Variants in OXR1 observed in about 807,000 individuals in gnomAD.
OXR1 encodes oxidation resistance 1, also known as oxidation resistance protein 1.
In OXR1, 41 loss-of-function variants were observed where a neutral mutation model predicts 104.6. The ratio of observed to expected loss-of-function variants is 0.39; its 90% CI spans 0.31 to 0.51. OXR1 has a LOEUF of 0.51. OXR1 is among the 20% of genes least tolerant of loss of function. The pLI, the probability that OXR1 is intolerant of heterozygous loss-of-function variation, is 0.77. For missense variants in OXR1, 955 were observed against 1,031.9 expected, an observed-to-expected ratio of 0.93 and a Z score of 1.02; for synonymous variants, 348 against 348.4, an observed-to-expected ratio of 1.00 and a Z score of 0.01.
At chr8:106,481,270 A>G (rs1822097963) in intron 2 of OXR1, among the ~76,000 whole-genome samples, 1 of 152,062 alleles carries the variant, frequency 6.6e-6, no homozygotes, top group African/African-American at 2.4e-5. Context: ...GAAGCTGTAT[A>G]ACATGGTTTT....
At chr8:106,683,751 C>A (rs941485565) in intron 5 of OXR1, among the ~76,000 whole-genome samples, 1 of 152,132 alleles carries the variant, frequency 6.6e-6, no homozygotes, top group African/African-American at 2.4e-5. Context: ...TATTTAATCA[C>A]AGTTCTAGTT....
intron 11 of OXR1, among the ~76,000 whole-genome samples, chr8:106,727,451 C>T (rs1379896118): frequency 6.6e-6 from 1 of 152,054 alleles, no homozygotes; most frequent in African/African-American, 2.4e-5. Flanking sequence ...CAGGGTCTCA[C>T]TTTGTCACCC....
intron 1 of OXR1, among the ~76,000 whole-genome samples, chr8:106,342,691 A>G (rs1370056367): frequency 6.6e-6 from 1 of 152,056 alleles, no homozygotes; most frequent in African/African-American, 2.4e-5. Flanking sequence ...CTGAGAGTCC[A>G]TTGTGAGCAT....
At chr8:106,428,608 CTTT>C (rs36049400) in intron 2 of OXR1, among the ~76,000 whole-genome samples, 1 of 139,140 alleles carries the variant, frequency 7.2e-6, no homozygotes. Context: ...CTGCCAATGT[CTTT>C]TTTTTTTTTT....
chr8:106,633,606 C>T (rs898190079), intron 3 of OXR1, among the ~76,000 whole-genome samples: 3 of 152,162 alleles, frequency 2.0e-5, no homozygotes, highest in East Asian at 1.9e-4. Context: ...ATTTTTGGCC[C>T]TGATCATCTG....
chr8:106,398,559 A>G (rs764852071), intron 2 of OXR1, among the ~76,000 whole-genome samples: 7 of 152,144 alleles, frequency 4.6e-5, no homozygotes, highest in Admixed American at 1.3e-4. Context: ...AATAGGTATA[A>G]AACTAATTAG....
intron 1 of OXR1, among the ~76,000 whole-genome samples, chr8:106,344,859 A>G (rs1178144218): frequency 6.6e-6 from 1 of 152,142 alleles, no homozygotes; most frequent in Admixed American, 6.5e-5. Flanking sequence ...TTTCTCTTAC[A>G]TGCCTTTCAC....
chr8:106,668,821 G>A (rs1214236021), intron 3 of OXR1, among the ~76,000 whole-genome samples: 2 of 152,150 alleles, frequency 1.3e-5, no homozygotes, highest in Non-Finnish European at 2.9e-5. Context: ...CATTTCTTCT[G>A]TCACTTACGC....
chr8:106,629,188 A>C (rs936748725), intron 3 of OXR1, among the ~76,000 whole-genome samples: 1 of 152,190 alleles, frequency 6.6e-6, no homozygotes, highest in Non-Finnish European at 1.5e-5. Flanking sequence ...ATAACATTTA[A>C]ATTTTTTTAA....
At chr8:106,462,804 A>G (rs927119302) in intron 2 of OXR1, among the ~76,000 whole-genome samples, 2 of 152,080 alleles carry the variant, frequency 1.3e-5, no homozygotes, top group Non-Finnish European at 2.9e-5. Context: ...CATGTGTTCA[A>G]GAGAACAAAT....
At chr8:106,479,812 G>A (rs1822007420) in intron 2 of OXR1, among the ~76,000 whole-genome samples, 3 of 151,910 alleles carry the variant, frequency 2.0e-5, no homozygotes, top group South Asian at 4.1e-4. Context: ...AGTGGAAGCG[G>A]CACTTGGGAA....
chr8:106,587,322 A>G (rs1310399237), intron 3 of OXR1, among the ~76,000 whole-genome samples: 1 of 151,754 alleles, frequency 6.6e-6, no homozygotes, highest in African/African-American at 2.4e-5. Context: ...GAGATTAAGG[A>G]TGTTGGAAGA....
chr8:106,614,452 A>T (rs1821040382), intron 3 of OXR1, among the ~76,000 whole-genome samples: 2 of 152,214 alleles, frequency 1.3e-5, no homozygotes, highest in Admixed American at 1.3e-4. Context: ...ATCTAGAATA[A>T]AAACTAGAGA....
chr8:106,706,472 T>C lies in OXR1; in HGVS notation c.951T>C (p.Asp317=), dbSNP rs1366071695. The C allele has an allele frequency of 6.3e-7, 1 of 1,593,582 alleles. No individual in the cohort carries two copies. The highest frequency in any genetic ancestry group is 8.5e-7 in the Non-Finnish European group (1 of 1,174,784). ...AGGAAATAGACTCAAGAATCCGAGA[T>C]GCAGGTAATGATAGTGCCAGCACTG... The part of the protein sequence containing the change: ...NTEEIDSRIR[D]AGNDSASTAP... The change falls in exon 9 of 17, where the codon GAT becomes GAC. Residue 317 remains aspartate (D), a synonymous_variant. Coordinates refer to ENST00000517566, the MANE Select transcript of OXR1 (RefSeq NM_001198533.2).
rs563730239 is a variant in OXR1 at position 106,716,346 on chromosome 8, C to T, written c.1956+2361C>T. Among the ~76,000 whole-genome samples the T allele has an allele frequency of 3.6e-3, 96 of 26,466 alleles. 39 individuals are homozygous for T. Among genetic ancestry groups the T allele is most frequent in the African/African-American group, 0.027 (90 of 3,282 alleles). The allele number at this position is 26,466 out of a possible 152,430, so 17.4% of individuals were successfully genotyped here. A position where few individuals can be genotyped will look rare whatever the true frequency, so the allele number is the denominator to read the frequency against. On this transcript the variant is annotated intron_variant, in intron 11 of 16. Transcript: ENST00000517566. ...GTAGTATAAAATACACACTGGAGGC[C>T]GGGCGCGGTGGCTCACGCCTGTAAT...
chr8:106,616,483 T>C (rs1265142732), intron 3 of OXR1, among the ~76,000 whole-genome samples: 1 of 152,174 alleles, frequency 6.6e-6, no homozygotes, highest in Non-Finnish European at 1.5e-5. Context: ...AGAGTTTGTA[T>C]TGAATACAAA....
intron 5 of OXR1, 76 bp from the exon 6 acceptor site, chr8:106,684,169 AG>A (rs1272953813): frequency 3.0e-6 from 2 of 674,184 alleles, no homozygotes; most frequent in Non-Finnish European, 2.6e-6. Flanking sequence ...AATTGTTAAT[AG>A]TGCTTGCTTA....
In OXR1 at chr8:106,543,744, T is replaced by C. The variant is rs369092408; in HGVS notation, c.220+24605T>C. 7.9e-5 allele frequency among the ~76,000 whole-genome samples: 12 copies of C among 152,328 alleles called. No individual in the cohort carries two copies. In the East Asian group the frequency reaches 1.4e-3, roughly 17 times the overall value. ...CAGAAATGTCAATATGGCAGGAAGCTATAGCCAGGCTTTCAGCTGCCTGCA... is the reference window on the plus strand; with the variant it reads ...CAGAAATGTCAATATGGCAGGAAGCCATAGCCAGGCTTTCAGCTGCCTGCA... On this transcript the variant is annotated intron_variant, in intron 3 of 16. Transcript: ENST00000517566.
intron 2 of OXR1, among the ~76,000 whole-genome samples, chr8:106,455,099 T>C (rs1586662010): frequency 1.3e-5 from 2 of 152,178 alleles, no homozygotes; most frequent in East Asian, 1.9e-4. Flanking sequence ...TATGGAGTGG[T>C]TTAGAGTTCC....
Sources: allele counts gnomAD v4.1 joint callset (sites outside exome capture counted in the v4.1 genomes callset), GRCh38; gene constraint gnomAD v4.1.1; transcripts MANE v1.5; gene names NCBI Gene and HGNC (gene_info 2026-07-23, HGNC 2026-07-21).